The following FTO variants were observed in gnomAD, a reference collection of about 807,000 sequenced individuals.
The protein encoded by FTO is alpha-ketoglutarate-dependent dioxygenase FTO.
Under a neutral mutation model 63.9 loss-of-function variants are expected in FTO, and 47 were observed. That is an observed-to-expected ratio of 0.74 (90% CI 0.58 to 0.94). FTO has a LOEUF of 0.94. Among genes scored for constraint, FTO ranks in the 40% least tolerant of loss-of-function variants. The pLI is 0.00. For missense variants in FTO, 562 were observed against 618.1 expected (o/e 0.91, Z 0.96); for synonymous variants, 207 against 224.4 (o/e 0.92, Z 0.69).
intron 4 of FTO, among the ~76,000 whole-genome samples, chr16:53,872,609 G>A (rs1259445894): frequency 2.0e-5 from 3 of 152,254 alleles, no homozygotes; most frequent in Admixed American, 1.3e-4. Flanking sequence ...GGCTTGTTTT[G>A]TAGTTGTTTA....
At chr16:53,920,273 C>T (rs1252001249) in intron 7 of FTO, among the ~76,000 whole-genome samples, 1 of 151,644 alleles carries the variant, frequency 6.6e-6, no homozygotes, top group Non-Finnish European at 1.5e-5. Context: ...AAACTGAGGT[C>T]CAGAGAGGAT....
chr16:53,712,336 C>A (rs944986380), intron 1 of FTO, among the ~76,000 whole-genome samples: 1 of 152,056 alleles, frequency 6.6e-6, no homozygotes, highest in Admixed American at 6.6e-5. Context: ...AAAATGAAAA[C>A]CTCACCTGAC....
At chr16:53,917,446 C>T (rs1016437782) in intron 7 of FTO, among the ~76,000 whole-genome samples, 4 of 152,082 alleles carry the variant, frequency 2.6e-5, no homozygotes, top group Non-Finnish European at 5.9e-5. Context: ...AAACCGATTT[C>T]ACTGAATTGT....
intron 7 of FTO, among the ~76,000 whole-genome samples, chr16:53,929,525 A>T (rs901604005): frequency 6.6e-6 from 1 of 152,338 alleles, no homozygotes; most frequent in Non-Finnish European, 1.5e-5. Context: ...TTTTTGTTTG[A>T]ACATAAGTTA....
At chr16:53,837,889 G>GT in intron 3 of FTO, among the ~76,000 whole-genome samples, 1 of 152,164 alleles carries the variant, frequency 6.6e-6, no homozygotes, top group Non-Finnish European at 1.5e-5. Flanking sequence ...TAGTCTCAGT[G>GT]TAAGTTCTAG....
At chr16:54,027,428 C>T (rs1248843045) in intron 8 of FTO, among the ~76,000 whole-genome samples, 3 of 152,110 alleles carry the variant, frequency 2.0e-5, no homozygotes, top group African/African-American at 4.8e-5. Flanking sequence ...TACATCACAT[C>T]GAATGTTTCT....
chr16:54,052,429 T>G (rs1171332624), intron 8 of FTO: 1 of 152,152 alleles, frequency 6.6e-6, no homozygotes, highest in Non-Finnish European at 1.5e-5. Context: ...GGATGGCTGG[T>G]TTGGGTTGAT....
chr16:53,822,511 C>T (rs1290652183), intron 2 of FTO, among the ~76,000 whole-genome samples: 2 of 152,106 alleles, frequency 1.3e-5, no homozygotes, highest in African/African-American at 4.8e-5. Context: ...TCACTGTGGA[C>T]AGTTTCAAGC....
intron 2 of FTO, among the ~76,000 whole-genome samples, chr16:53,820,859 A>G (rs539282617): frequency 6.6e-6 from 1 of 152,226 alleles, no homozygotes; most frequent in South Asian, 2.1e-4. Flanking sequence ...TTGGGGGAGG[A>G]GCCTGGGGGA....
At chr16:53,999,379 G>A (rs751678482) in intron 8 of FTO, among the ~76,000 whole-genome samples, 50 of 152,162 alleles carry the variant, frequency 3.3e-4, no homozygotes, top group Non-Finnish European at 5.3e-4. Context: ...GACTTTCCGG[G>A]TAAAGTTTCA....
intron 2 of FTO, among the ~76,000 whole-genome samples, chr16:53,815,937 C>T (rs1014928349): frequency 6.6e-6 from 1 of 152,104 alleles, no homozygotes; most frequent in Non-Finnish European, 1.5e-5. Flanking sequence ...GTGTGAGCCA[C>T]TGCACCCAGC....
At chr16:53,867,493 ATGTGTGTGTGTGTG>A (rs150516029) in intron 4 of FTO, among the ~76,000 whole-genome samples, 25 of 140,428 alleles carry the variant, frequency 1.8e-4, no homozygotes, top group South Asian at 1.3e-3. Flanking sequence ...TACGCCACAT[ATGTGTGTGTGTGTG>A]TGTGTGTGTG....
At chr16:53,828,086 A>G (rs924455925) in intron 3 of FTO, among the ~76,000 whole-genome samples, 7 of 152,258 alleles carry the variant, frequency 4.6e-5, no homozygotes, top group African/African-American at 1.7e-4. Flanking sequence ...AATAGTTTCT[A>G]TGCTCAGGAG....
At chr16:53,777,467 C>T (rs765420153) in intron 1 of FTO, among the ~76,000 whole-genome samples, 5 of 152,182 alleles carry the variant, frequency 3.3e-5, no homozygotes, top group Non-Finnish European at 7.3e-5. Context: ...CCGAAGCTAT[C>T]TCAATTAACT....
At chr16:54,010,629 C>T (rs1260547529) in intron 8 of FTO, among the ~76,000 whole-genome samples, 2 of 152,082 alleles carry the variant, frequency 1.3e-5, no homozygotes, top group Non-Finnish European at 2.9e-5. Context: ...TCCTCTCCAC[C>T]CTTCTCTACC....
intron 7 of FTO, among the ~76,000 whole-genome samples, chr16:53,919,516 C>G (rs1269889028): frequency 6.6e-6 from 1 of 152,150 alleles, no homozygotes; most frequent in African/African-American, 2.4e-5. Context: ...AAAAAAGATA[C>G]TTTCACATGC....
intron 7 of FTO, among the ~76,000 whole-genome samples, chr16:53,902,428 T>C (rs2081426470): frequency 6.6e-6 from 1 of 152,178 alleles, no homozygotes; most frequent in Non-Finnish European, 1.5e-5. Flanking sequence ...TTTCTACTAC[T>C]CCCTAAATAT....
intron 8 of FTO, chr16:54,064,046 G>A (rs1448083640): frequency 6.6e-6 from 1 of 151,346 alleles, no homozygotes; most frequent in Non-Finnish European, 1.5e-5. Context: ...TGTCATCGGT[G>A]GAATTGTACT....
chr16:53,995,590 A>T (rs1236656236), intron 8 of FTO, among the ~76,000 whole-genome samples: 1 of 152,216 alleles, frequency 6.6e-6, no homozygotes, highest in Non-Finnish European at 1.5e-5. Flanking sequence ...TTTGTCTGCT[A>T]TCTGTGGCGT....
Sources: gnomAD v4.1 joint callset for allele counts (sites outside exome capture counted in the v4.1 genomes callset) on GRCh38, gnomAD v4.1.1 for gene constraint, MANE v1.5 for transcripts, NCBI Gene and HGNC (gene_info 2026-07-23, HGNC 2026-07-21) for gene names.